Variants in PRIMPOL observed in about 807,000 individuals in gnomAD.
PRIMPOL encodes the protein primase and DNA directed polymerase, also known as DNA-directed primase/polymerase protein.
In PRIMPOL, 54 loss-of-function variants were observed where a neutral mutation model predicts 63.6. The observed-to-expected ratio is 0.85, with a 90% CI of 0.68 to 1.07. The LOEUF (loss-of-function observed/expected upper bound fraction) is 1.07, where lower values mean the gene tolerates loss of function less well. PRIMPOL is among the 50% of genes least tolerant of loss of function. PRIMPOL has a pLI of 0.00. For synonymous variants in PRIMPOL, 197 were observed against 220.2 expected, an observed-to-expected ratio of 0.89 and a Z score of 0.93; for missense variants, 610 against 648.3, an observed-to-expected ratio of 0.94 and a Z score of 0.64.
intron 13 of PRIMPOL, among the ~76,000 whole-genome samples, chr4:184,693,850 T>C (rs1259761290): frequency 6.6e-6 from 1 of 151,406 alleles, no homozygotes; most frequent in Non-Finnish European, 1.5e-5. Context: ...TGTAGCTTTT[T>C]TAATGACAGG....
intron 13 of PRIMPOL, chr4:184,694,095 TG>T: frequency 2.7e-6 from 1 of 370,512 alleles, no homozygotes; most frequent in East Asian, 1.7e-4. Context: ...TTTTGGCAAC[TG>T]TTTTTAATCT....
chr4:184,694,463 CAT>C (rs1275546825), intron 13 of PRIMPOL, 57 bp from the exon 14 acceptor site: 34 of 1,566,400 alleles, frequency 2.2e-5, no homozygotes, highest in Non-Finnish European at 2.9e-5. Flanking sequence ...GGTTAAATCA[CAT>C]ATCCTGAGTA....
At chr4:184,660,416 G>C (rs1295891282) in intron 4 of PRIMPOL, among the ~76,000 whole-genome samples, 2 of 151,980 alleles carry the variant, frequency 1.3e-5, no homozygotes, top group Non-Finnish European at 2.9e-5. Flanking sequence ...CCTGACCTCA[G>C]ATGATCTGCC....
At chr4:184,678,523 CTCTT>C in intron 8 of PRIMPOL, 129 bp downstream of exon 8, 2 of 539,098 alleles carry the variant, frequency 3.7e-6, no homozygotes, top group Non-Finnish European at 6.0e-6. Flanking sequence ...GTTCTTACAG[CTCTT>C]TTTTTTTTTT....
chr4:184,689,359 G>A (rs1210749807), intron 11 of PRIMPOL, among the ~76,000 whole-genome samples: 2 of 151,262 alleles, frequency 1.3e-5, no homozygotes, highest in Admixed American at 6.6e-5. Flanking sequence ...ACCTCACCAG[G>A]CCTATGTATG....
At chr4:184,693,320 G>T (rs1366941032) in intron 13 of PRIMPOL, among the ~76,000 whole-genome samples, 1 of 152,140 alleles carries the variant, frequency 6.6e-6, no homozygotes, top group Non-Finnish European at 1.5e-5. Context: ...GCCCTTGTTA[G>T]TCTGGATTGT....
intron 9 of PRIMPOL, among the ~76,000 whole-genome samples, chr4:184,683,110 GA>G (rs1468382626): frequency 1.3e-5 from 2 of 151,698 alleles, no homozygotes; most frequent in Non-Finnish European, 2.9e-5. Flanking sequence ...ATCTCAAATG[GA>G]AAAAGTATGA....
chr4:184,661,693 T>A (rs914267589), intron 4 of PRIMPOL, 81 bp from the exon 5 acceptor site: 2 of 946,772 alleles, frequency 2.1e-6, no homozygotes, highest in Non-Finnish European at 3.1e-6. Context: ...GCAACAGAGC[T>A]GACTCAGTCT....
At chr4:184,681,550 A>C (rs1002660144) in intron 8 of PRIMPOL, among the ~76,000 whole-genome samples, 1 of 151,310 alleles carries the variant, frequency 6.6e-6, no homozygotes, top group African/African-American at 2.4e-5. Flanking sequence ...TATTATTTTT[A>C]TTGTTTTTTT....
At chr4:184,670,799 C>T (rs1254030852) in intron 6 of PRIMPOL, among the ~76,000 whole-genome samples, 1 of 152,158 alleles carries the variant, frequency 6.6e-6, no homozygotes, top group Non-Finnish European at 1.5e-5. Flanking sequence ...CTGCCCACCT[C>T]AGCCTCCCAA....
intron 6 of PRIMPOL, among the ~76,000 whole-genome samples, chr4:184,671,315 C>T (rs994041921): frequency 2.0e-5 from 3 of 152,102 alleles, no homozygotes; most frequent in African/African-American, 4.8e-5. Context: ...CAGGGCGTGT[C>T]GTGGCAGGTA....
At chr4:184,666,138 G>C in intron 6 of PRIMPOL, 74 bp downstream of exon 6, 1 of 1,207,500 alleles carries the variant, frequency 8.3e-7, no homozygotes, top group South Asian at 1.6e-5. Context: ...TTAAAATTTT[G>C]TGTGTACTTA....
intron 11 of PRIMPOL, among the ~76,000 whole-genome samples, chr4:184,689,863 T>A (rs1030801867): frequency 3.9e-5 from 6 of 152,222 alleles, no homozygotes; most frequent in African/African-American, 1.4e-4. Flanking sequence ...CAAGGAGTTT[T>A]CAGATTGCTC....
intron 4 of PRIMPOL, 36 bp downstream of exon 4, chr4:184,659,473 G>C (rs1156503062): frequency 7.0e-7 from 1 of 1,433,324 alleles, no homozygotes; most frequent in Non-Finnish European, 9.8e-7. Flanking sequence ...CATTAAGCTA[G>C]AGTTCCATTT....
intron 2 of PRIMPOL, among the ~76,000 whole-genome samples, chr4:184,655,794 A>G (rs1465856238): frequency 6.6e-6 from 1 of 152,196 alleles, no homozygotes; most frequent in African/African-American, 2.4e-5. Flanking sequence ...GATTTAGTAC[A>G]TATTATTTCA....
At chr4:184,652,316 G>T (rs1213544787) in intron 2 of PRIMPOL, among the ~76,000 whole-genome samples, 1 of 152,128 alleles carries the variant, frequency 6.6e-6, no homozygotes, top group African/African-American at 2.4e-5. Context: ...CCTGTGAAAA[G>T]TGATGAAAAT....
intron 13 of PRIMPOL, among the ~76,000 whole-genome samples, chr4:184,692,229 T>A (rs1468649569): frequency 6.6e-6 from 1 of 151,942 alleles, no homozygotes; most frequent in Non-Finnish European, 1.5e-5. Flanking sequence ...ATCCCAGCAC[T>A]TTGAGAGGCT....
At chr4:184,651,698 G>C (rs1469967547) in intron 1 of PRIMPOL, among the ~76,000 whole-genome samples, 1 of 152,138 alleles carries the variant, frequency 6.6e-6, no homozygotes, top group Non-Finnish European at 1.5e-5. Flanking sequence ...GCCCAGGCTG[G>C]AGTGCAGTGG....
intron 3 of PRIMPOL, among the ~76,000 whole-genome samples, chr4:184,658,552 C>T (rs1747265669): frequency 1.3e-5 from 2 of 152,138 alleles, no homozygotes; most frequent in South Asian, 4.1e-4. Flanking sequence ...TAGAAGAACC[C>T]TTATGGCAGG....
Sources: gnomAD v4.1 joint callset for allele counts (sites outside exome capture counted in the v4.1 genomes callset) on GRCh38, gnomAD v4.1.1 for gene constraint, MANE v1.5 for transcripts, NCBI Gene and HGNC (gene_info 2026-07-23, HGNC 2026-07-21) for gene names.